The following PCDH11Y variants were observed in gnomAD, a reference collection of about 807,000 sequenced individuals.
PCDH11Y encodes protocadherin 11 Y-linked, also known as protocadherin-11 Y-linked.
For synonymous variants in PCDH11Y, 9 were observed against 83.6 expected (o/e 0.11, Z 4.87); for missense variants, 12 against 224.8 (o/e 0.05, Z 6.05).
chrY:5,466,746 C>T (rs2053308621), intron 2 of PCDH11Y, among the ~76,000 whole-genome samples: 1 of 32,742 alleles, frequency 3.1e-5, no homozygotes, highest in Admixed American at 2.8e-4. Flanking sequence ...ACAGTGAACT[C>T]GTGTGGCTCA....
chrY:5,229,565 C>T (rs2052965871), intron 2 of PCDH11Y, among the ~76,000 whole-genome samples: 1 of 31,789 alleles, frequency 3.1e-5, no homozygotes, highest in African/African-American at 1.2e-4. Context: ...CCTCCCGTCT[C>T]AGCCTCCTAA....
intron 2 of PCDH11Y, among the ~76,000 whole-genome samples, chrY:5,442,232 A>G: frequency 3.0e-5 from 1 of 32,937 alleles, no homozygotes; most frequent in Admixed American, 2.8e-4. Flanking sequence ...CATATCATAC[A>G]TAAAGGTACA....
At chrY:5,247,200 A>C in intron 2 of PCDH11Y, among the ~76,000 whole-genome samples, 1 of 32,825 alleles carries the variant, frequency 3.0e-5, no homozygotes, top group African/African-American at 1.2e-4. Context: ...AAAATTAACA[A>C]GGATATTCAG....
intron 3 of PCDH11Y, among the ~76,000 whole-genome samples, chrY:5,049,709 C>T (rs2052648486): frequency 3.2e-5 from 1 of 31,464 alleles, no homozygotes; most frequent in African/African-American, 1.2e-4. Context: ...TACAGGCGCC[C>T]GCCACCACGC....
intron 4 of PCDH11Y, among the ~76,000 whole-genome samples, chrY:5,654,384 A>G: frequency 3.0e-5 from 1 of 33,814 alleles, no homozygotes; most frequent in African/African-American, 1.2e-4. Flanking sequence ...TACTGGGTAT[A>G]TACCCAAAGG....
chrY:5,230,330 A>C (rs2052966625), intron 2 of PCDH11Y, among the ~76,000 whole-genome samples: 1 of 33,329 alleles, frequency 3.0e-5, no homozygotes, highest in African/African-American at 1.2e-4. Context: ...GCCTGGTCTG[A>C]TATTGCTGAA....
chrY:5,627,621 G>A (rs2053508636), intron 4 of PCDH11Y, among the ~76,000 whole-genome samples: 1 of 32,131 alleles, frequency 3.1e-5, no homozygotes. Context: ...GGATGGTCTC[G>A]TGATCCACCC....
At chrY:5,514,965 C>G in intron 3 of PCDH11Y, among the ~76,000 whole-genome samples, 1 of 33,489 alleles carries the variant, frequency 3.0e-5, no homozygotes, top group South Asian at 6.5e-4. Context: ...AGTAACGAAA[C>G]TTCTGTACAT....
At chrY:5,136,064 G>T (rs1409172758) in intron 2 of PCDH11Y, among the ~76,000 whole-genome samples, 3 of 28,555 alleles carry the variant, frequency 1.1e-4, no homozygotes, top group Non-Finnish European at 2.6e-4. Context: ...AAGAGCTCTC[G>T]CAGAGTCTAC....
intron 2 of PCDH11Y, among the ~76,000 whole-genome samples, chrY:5,226,001 CTTTTTTTTTTTTTTT>C (rs753423538): frequency 1.2e-4 from 1 of 8,248 alleles, no homozygotes; most frequent in Non-Finnish European, 2.2e-4. Flanking sequence ...GTTATTTGAG[CTTTTTTTTTTTTTTT>C]TTTTTTTTTT....
intron 2 of PCDH11Y, among the ~76,000 whole-genome samples, chrY:5,388,278 C>A (rs2053218134): frequency 3.1e-5 from 1 of 31,812 alleles, no homozygotes; most frequent in Non-Finnish European, 7.7e-5. Context: ...GCAGCCCTCC[C>A]CAAGGACCCC....
At chrY:5,410,390 G>A (rs2124678294) in intron 2 of PCDH11Y, among the ~76,000 whole-genome samples, 1 of 31,859 alleles carries the variant, frequency 3.1e-5, no homozygotes, top group Admixed American at 2.9e-4. Flanking sequence ...AAAATCATGT[G>A]CATTTTGTTT....
chrY:5,432,948 T>G, intron 2 of PCDH11Y, among the ~76,000 whole-genome samples: 1 of 33,361 alleles, frequency 3.0e-5, no homozygotes, highest in East Asian at 8.0e-4. Flanking sequence ...GTATCAATCT[T>G]ACTGATCAAT....
intron 4 of PCDH11Y, among the ~76,000 whole-genome samples, chrY:5,690,165 C>T: frequency 3.0e-5 from 1 of 33,336 alleles, no homozygotes; most frequent in African/African-American, 1.2e-4. Flanking sequence ...AAAAAATTGA[C>T]ATTTTTAAAT....
At chrY:5,398,621 AG>A (rs2053229443) in intron 2 of PCDH11Y, among the ~76,000 whole-genome samples, 2 of 32,464 alleles carry the variant, frequency 6.2e-5, no homozygotes, top group East Asian at 1.6e-3. Flanking sequence ...TCCAGTTATT[AG>A]ACATTATAAA....
intron 2 of PCDH11Y, among the ~76,000 whole-genome samples, chrY:5,398,192 CA>C (rs2053229312): frequency 3.0e-5 from 1 of 33,080 alleles, no homozygotes; most frequent in Non-Finnish European, 7.4e-5. Flanking sequence ...TCATTTTGAA[CA>C]AGCTTCCTTT....
intron 2 of PCDH11Y, among the ~76,000 whole-genome samples, chrY:5,170,324 C>T: frequency 2.4e-4 from 7 of 28,869 alleles, no homozygotes; most frequent in Non-Finnish European, 1.7e-4. Flanking sequence ...AGTTTAGTAA[C>T]GCATGCTTGC....
intron 2 of PCDH11Y, among the ~76,000 whole-genome samples, chrY:5,156,162 A>AGTGTGT (rs56938003): frequency 8.6e-5 from 2 of 23,242 alleles, no homozygotes; most frequent in Admixed American, 3.9e-4. Flanking sequence ...GCATTGTGTG[A>AGTGTGT]GTGTGTGTGT....
chrY:5,148,324 A>C (rs867719647), intron 2 of PCDH11Y, among the ~76,000 whole-genome samples: 3 of 32,957 alleles, frequency 9.1e-5, no homozygotes, highest in Admixed American at 5.7e-4. Flanking sequence ...GTGTGTAGTA[A>C]GTAAGGCACA....
Sources: gnomAD v4.1 joint callset for allele counts (sites outside exome capture counted in the v4.1 genomes callset) on GRCh38, gnomAD v4.1.1 for gene constraint, MANE v1.5 for transcripts, NCBI Gene and HGNC (gene_info 2026-07-23, HGNC 2026-07-21) for gene names.